Variants in RBL2 observed in about 807,000 individuals in gnomAD.
RBL2 encodes the protein RB transcriptional corepressor like 2, also known as retinoblastoma-like protein 2.
RBL2 carries 56 observed loss-of-function variants against 126.0 expected under a neutral mutation model. That is an observed-to-expected ratio of 0.44 (90% CI 0.36 to 0.56). RBL2 has a LOEUF of 0.56. RBL2 is among the 20% of genes least tolerant of loss of function. The pLI, the probability that RBL2 is intolerant of heterozygous loss-of-function variation, is 0.00. For synonymous variants in RBL2, 454 were observed against 478.5 expected (o/e 0.95, Z 0.67); for missense variants, 1,229 against 1,398.2 (o/e 0.88, Z 1.93).
intron 21 of RBL2, among the ~76,000 whole-genome samples, chr16:53,485,571 G>A (rs1273920377): frequency 6.6e-6 from 1 of 152,076 alleles, no homozygotes; most frequent in African/African-American, 2.4e-5. Flanking sequence ...GGTTTTTTTG[G>A]AGGCTGGGTG....
At chr16:53,439,751 C>T (rs2057995662) in intron 2 of RBL2, among the ~76,000 whole-genome samples, 1 of 151,960 alleles carries the variant, frequency 6.6e-6, no homozygotes, top group South Asian at 2.1e-4. Flanking sequence ...TGATGTTTAG[C>T]ATTTTGGGGG....
chr16:53,478,986 G>T, intron 17 of RBL2, 168 bp from the exon 18 acceptor site: 3 of 596,974 alleles, frequency 5.0e-6, no homozygotes, highest in Non-Finnish European at 8.9e-6. Context: ...AGATATTCTT[G>T]AATCGATGTA....
chr16:53,463,040 C>T (rs917089959), intron 11 of RBL2, among the ~76,000 whole-genome samples: 3 of 152,154 alleles, frequency 2.0e-5, no homozygotes, highest in Admixed American at 2.0e-4. Flanking sequence ...GGGGTTTTGC[C>T]ATGTTGGCCA....
At chr16:53,445,184 T>A (rs2058050312) in intron 3 of RBL2, among the ~76,000 whole-genome samples, 1 of 151,766 alleles carries the variant, frequency 6.6e-6, no homozygotes, top group African/African-American at 2.4e-5. Flanking sequence ...AAAATTAGCT[T>A]GGAGTGGTGG....
chr16:53,447,219 C>T, intron 4 of RBL2, 113 bp downstream of exon 4: 1 of 539,724 alleles, frequency 1.9e-6, no homozygotes, highest in East Asian at 3.4e-5. Flanking sequence ...AAAATTTTCT[C>T]AAGGGTTTTA....
intron 17 of RBL2, 43 bp downstream of exon 17, chr16:53,470,965 T>C: frequency 6.5e-7 from 1 of 1,544,754 alleles, no homozygotes; most frequent in South Asian, 1.2e-5. Context: ...TAGGTCTTCA[T>C]TACTGAGAAC....
rs983579292 is a variant in RBL2, at chr16:53,467,261, C to T, written c.1975+92C>T. ...CTACAAGTGAAGTTAATAGGGTATACATAGAAGAAAATATTCTATGCATTT... is the reference window on the plus strand; with the variant it reads ...CTACAAGTGAAGTTAATAGGGTATATATAGAAGAAAATATTCTATGCATTT... On this transcript the variant is annotated intron_variant, in intron 14 of 21. Transcript: ENST00000262133. The T allele has an allele frequency of 1.4e-5, 14 of 1,012,284 alleles. 1 individual carries two copies. In the African/African-American group the frequency reaches 1.8e-4, roughly 13 times the overall value. 62.7% of individuals were successfully genotyped at this position (1,012,284 alleles called of 1,614,324 possible).
rs756161612 is a variant in RBL2 at position 53,459,530 on chromosome 16, C to G, written c.1259C>G (p.Ser420Cys). The G allele has an allele frequency of 6.2e-7, 1 of 1,612,216 alleles. No individual in the cohort carries two copies. The highest frequency in any genetic ancestry group is 8.5e-7 in the Non-Finnish European group (1 of 1,179,390). Reference protein sequence around the residue: ...KENSPCVTPVSTATHSLSRLH... With the variant: ...KENSPCVTPVCTATHSLSRLH... ...AATAGCCCTTGTGTGACTCCAGTTTCTACAGCTACGCATAGCTTGAGTCGT... is the reference window on the plus strand; with the variant it reads ...AATAGCCCTTGTGTGACTCCAGTTTGTACAGCTACGCATAGCTTGAGTCGT... Residue 420 changes from serine (S) to cysteine (C), a missense_variant, in exon 9 of 22, where the codon TCT becomes TGT. Around this residue, in one of 2 missense-constraint regions of RBL2, gnomAD observed 1,070 missense variants for 1,274.3 expected, o/e 0.84. Coordinates refer to ENST00000262133, the MANE Select transcript of RBL2 (RefSeq NM_005611.4).
intron 17 of RBL2, chr16:53,478,822 A>G: frequency 4.8e-6 from 1 of 207,384 alleles, no homozygotes; most frequent in Non-Finnish European, 9.6e-6. Flanking sequence ...GGGTTTCACC[A>G]TGATGGCCAG....
At chr16:53,444,552 T>TAATAAATAAATAAATA (rs34915161) in intron 3 of RBL2, among the ~76,000 whole-genome samples, 32 of 143,352 alleles carry the variant, frequency 2.2e-4, no homozygotes, top group African/African-American at 8.1e-4. Context: ...GACTCCATTT[T>TAATAAATAAATAAATA]AATAAATAAA....
chr16:53,462,550 A>G lies in RBL2; in HGVS notation c.1457-2A>G. Reference sequence around the variant, plus strand: ...GGGTTTTTTTTTTTATTATTTCTACAGAAATTGCCAGCAAACATTTTCGTT... The same window carrying G: ...GGGTTTTTTTTTTTATTATTTCTACGGAAATTGCCAGCAAACATTTTCGTT... On this transcript the variant is annotated splice_acceptor_variant, in intron 10 of 21. Coordinates refer to ENST00000262133, the MANE Select transcript of RBL2 (RefSeq NM_005611.4). LOFTEE classifies it high-confidence loss of function. 1 of 1,522,114 alleles carries G rather than the reference A, an allele frequency of 6.6e-7. No homozygotes were observed. The highest frequency in any genetic ancestry group is 1.2e-5 in the South Asian group (1 of 80,438). 94.3% of individuals were successfully genotyped at this position (1,522,114 alleles called of 1,614,324 possible).
At chr16:53,435,738 A>G in intron 1 of RBL2, 5 of 1,287,878 alleles carry the variant, frequency 3.9e-6, no homozygotes, top group Non-Finnish European at 4.1e-6. Context: ...TGCAAAGCCT[A>G]ACCAAGGTAT....
At chr16:53,461,657 T>C in intron 9 of RBL2, 84 bp from the exon 10 acceptor site, 1 of 903,202 alleles carries the variant, frequency 1.1e-6, no homozygotes, top group Non-Finnish European at 1.7e-6. Flanking sequence ...TATATTTACA[T>C]GTTAGTGAAA....
At chr16:53,455,278 A>T (rs7194730) in intron 8 of RBL2, among the ~76,000 whole-genome samples, 71,358 of 152,022 alleles carry the variant, frequency 0.47, 17,371 homozygotes, top group Middle Eastern at 0.62. Context: ...GTATTATTTC[A>T]AACAGACACT....
intron 1 of RBL2, chr16:53,435,567 G>C (rs2057950778): frequency 5.7e-6 from 7 of 1,222,326 alleles, no homozygotes; most frequent in Non-Finnish European, 6.3e-6. Flanking sequence ...TGTCAGCTTT[G>C]TATGCACCTC....
chr16:53,445,593 C>T (rs958183284), intron 3 of RBL2, among the ~76,000 whole-genome samples: 48 of 152,160 alleles, frequency 3.2e-4, no homozygotes, highest in African/African-American at 1.1e-3. Flanking sequence ...CACAACCAAG[C>T]GTGGAGTTCT....
chr16:53,444,003 C>A (rs1314696023), intron 3 of RBL2, among the ~76,000 whole-genome samples: 1 of 152,186 alleles, frequency 6.6e-6, no homozygotes, highest in Non-Finnish European at 1.5e-5. Flanking sequence ...AATCCCAGCA[C>A]TTTAGGAGGC....
At chr16:53,452,861 G>T (rs1201508079) in intron 5 of RBL2, among the ~76,000 whole-genome samples, 1 of 151,944 alleles carries the variant, frequency 6.6e-6, no homozygotes, top group Non-Finnish European at 1.5e-5. Context: ...GTATAGATGA[G>T]GTTTCGCCAT....
chr16:53,434,682 C>T lies in RBL2; in HGVS notation c.126C>T (p.Thr42=), dbSNP rs762808966. 2 of 1,573,796 alleles carry T rather than the reference C, an allele frequency of 1.3e-6. No individual in the cohort carries two copies. The highest frequency in any genetic ancestry group is 1.7e-6 in the Non-Finnish European group (2 of 1,169,446). Residue 42 remains threonine (T), a synonymous_variant, in exon 1 of 22, where the codon ACC becomes ACT. Transcript: ENST00000262133. ...EDAAPPAESP[T]PQIQQRFDEL... ...CCGCGCCGCCTGCCGAGTCGCCCAC[C>T]CCTCAGATCCAGCAGCGGTTCGACG...
Sources: allele counts gnomAD v4.1 joint callset (sites outside exome capture counted in the v4.1 genomes callset), GRCh38; gene constraint gnomAD v4.1.1; regional missense constraint gnomAD v4.1.1; transcripts MANE v1.5; gene names NCBI Gene and HGNC (gene_info 2026-07-23, HGNC 2026-07-21).